OLFML1: variants seen among roughly 807,000 people sequenced by gnomAD.
OLFML1 encodes the protein olfactomedin-like protein 1.
In OLFML1, 33 loss-of-function variants were observed where a neutral mutation model predicts 37.3. The ratio of observed to expected loss-of-function variants is 0.88; its 90% CI spans 0.67 to 1.18. The LOEUF (loss-of-function observed/expected upper bound fraction) is 1.18, where lower values mean the gene tolerates loss of function less well. OLFML1 is among the 50% of genes most tolerant of loss of function. OLFML1 has a pLI of 0.00. For synonymous variants in OLFML1, 186 were observed against 181.3 expected (o/e 1.03, Z -0.21); for missense variants, 545 against 483.7 (o/e 1.13, Z -1.19).
At chr11:7,490,426 G>A (rs1848581316) in intron 2 of OLFML1, among the ~76,000 whole-genome samples, 1 of 152,176 alleles carries the variant, frequency 6.6e-6, no homozygotes, top group Non-Finnish European at 1.5e-5. Context: ...TGGGGGTTCA[G>A]GCAGGACGCT....
At chr11:7,489,556 C>CA (rs1848570674) in intron 2 of OLFML1, among the ~76,000 whole-genome samples, 1 of 151,716 alleles carries the variant, frequency 6.6e-6, no homozygotes, top group African/African-American at 2.4e-5. Flanking sequence ...AACCATTGAG[C>CA]AATTTTAAAC....
intron 2 of OLFML1, among the ~76,000 whole-genome samples, chr11:7,493,056 T>C (rs988438174): frequency 6.6e-6 from 1 of 152,208 alleles, no homozygotes; most frequent in Admixed American, 6.5e-5. Context: ...CTTTTTAACT[T>C]GTAAATAGTT....
At chr11:7,495,131 C>T (rs551654786) in intron 2 of OLFML1, among the ~76,000 whole-genome samples, 89 of 152,246 alleles carry the variant, frequency 5.8e-4, no homozygotes, top group Non-Finnish European at 1.1e-3. Flanking sequence ...GTGAATCTCT[C>T]TCAAGTGTAC....
chr11:7,510,180 C>T lies in OLFML1; in HGVS notation c.1201C>T (p.Leu401=). 1.2e-6 allele frequency: 2 copies of T among 1,604,606 alleles called. No homozygotes were observed. The highest frequency in any genetic ancestry group is 1.7e-6 in the Non-Finnish European group (2 of 1,178,908). Residue 401 remains leucine (L), a synonymous_variant, in exon 3 of 3, where the codon CTG becomes TTG. Transcript: ENST00000329293. The part of the protein sequence containing the change: ...YKLQTKRKLP[L]K ...ACTCCAGACAAAGAGAAAGCTGCCT[C>T]TGAAGTAATGCATTACAGCTGTGAG... is the stretch of plus-strand genomic sequence containing the variant.
intron 2 of OLFML1, among the ~76,000 whole-genome samples, chr11:7,489,875 A>C (rs1240483729): frequency 1.3e-5 from 2 of 151,808 alleles, no homozygotes; most frequent in African/African-American, 2.4e-5. Flanking sequence ...TTACTCTATA[A>C]TTTTTTTCAG....
At chr11:7,494,197 T>C (rs1315479622) in intron 2 of OLFML1, among the ~76,000 whole-genome samples, 1 of 152,222 alleles carries the variant, frequency 6.6e-6, no homozygotes, top group Non-Finnish European at 1.5e-5. Flanking sequence ...CTCAGTGTGT[T>C]TGTGGAGCAA....
In OLFML1 at chr11:7,496,646, A is replaced by T. The variant is rs1287365285; in HGVS notation, c.418+8231A>T. Among the ~76,000 whole-genome samples, 12 of 152,336 alleles carry T rather than the reference A, an allele frequency of 7.9e-5. No homozygotes were observed. The East Asian group carries it at 2.1e-3, about 27-fold the overall frequency. ...TTCTAACTATACACAGGCAAATGGC[A>T]GTACCACAGCTAGAAATTGAGAGCA... On this transcript the variant is annotated intron_variant, in intron 2 of 2. Coordinates refer to ENST00000329293, the MANE Select transcript of OLFML1 (RefSeq NM_198474.4).
At chr11:7,487,940 CTT>C (rs1170661942) in intron 1 of OLFML1, among the ~76,000 whole-genome samples, 185 bp from the exon 2 acceptor site, 6 of 151,600 alleles carry the variant, frequency 4.0e-5, no homozygotes, top group Non-Finnish European at 5.9e-5. Context: ...CTTGGGAAAA[CTT>C]TTAAAAACTG....
chr11:7,509,220 A>G (rs1848822226), intron 2 of OLFML1, among the ~76,000 whole-genome samples, 178 bp from the exon 3 acceptor site: 1 of 152,224 alleles, frequency 6.6e-6, no homozygotes, highest in South Asian at 2.1e-4. Context: ...TTTTCGCTCT[A>G]GGATTTTCCA....
chr11:7,507,152 C>T (rs1439703045), intron 2 of OLFML1, among the ~76,000 whole-genome samples: 1 of 152,190 alleles, frequency 6.6e-6, no homozygotes, highest in African/African-American at 2.4e-5. Flanking sequence ...AGAGTTTTTG[C>T]TGTAGGTGGG....
chr11:7,486,787 A>G (rs928934588), intron 1 of OLFML1, among the ~76,000 whole-genome samples: 2 of 152,230 alleles, frequency 1.3e-5, no homozygotes, highest in Non-Finnish European at 2.9e-5. Flanking sequence ...CTTATTGCTA[A>G]TAATTATTTT....
chr11:7,493,783 C>T lies in OLFML1; in HGVS notation c.418+5368C>T, dbSNP rs552151302. Among the ~76,000 whole-genome samples the T allele has an allele frequency of 7.0e-4, 107 of 152,356 alleles. 1 individual carries two copies. Among genetic ancestry groups the T allele is most frequent in the African/African-American group, 2.4e-3 (100 of 41,578 alleles). ...AGGGTTAACTGTGGCTCCAGGTGCC[C>T]TGAACATCCATTCATTCTTGCTATA... On this transcript the variant is annotated intron_variant, in intron 2 of 2. Coordinates refer to ENST00000329293, the MANE Select transcript of OLFML1 (RefSeq NM_198474.4).
rs769367146 is a variant in OLFML1, at chr11:7,510,070, G to T, written c.1091G>T (p.Arg364Ile). 6.2e-7 allele frequency: 1 copy of T among 1,614,110 alleles called. No individual in the cohort carries two copies. ...TTGCCCAACTTGTTCTTCCCCAAGA[G>T]ACCAAGAAGTCACTCCATGATCCAT... ...EDLPNLFFPKRPRSHSMIHYN... is the reference protein window; with the variant it reads ...EDLPNLFFPKIPRSHSMIHYN... The change falls in exon 3 of 3, where the codon AGA becomes ATA. Residue 364 changes from arginine to isoleucine, a missense_variant. Arg to Ile is a moderately conservative substitution (Grantham distance 97). Transcript: ENST00000329293.
intron 2 of OLFML1, among the ~76,000 whole-genome samples, chr11:7,496,950 T>C (rs1848669429): frequency 6.6e-6 from 1 of 152,086 alleles, no homozygotes; most frequent in Non-Finnish European, 1.5e-5. Flanking sequence ...AGCTACACTG[T>C]AGCTGGAAGG....
At chr11:7,501,639 C>T (rs921340970) in intron 2 of OLFML1, among the ~76,000 whole-genome samples, 12 of 152,198 alleles carry the variant, frequency 7.9e-5, no homozygotes, top group African/African-American at 1.4e-4. Context: ...TTGCTCCCAC[C>T]CCCACTTCTG....
chr11:7,500,750 G>A (rs760903831), intron 2 of OLFML1, among the ~76,000 whole-genome samples: 7 of 149,482 alleles, frequency 4.7e-5, no homozygotes, highest in Non-Finnish European at 1.0e-4. Flanking sequence ...AGAATTATAC[G>A]GGGCTGGGCA....
At chr11:7,492,261 C>T (rs1264084280) in intron 2 of OLFML1, among the ~76,000 whole-genome samples, 1 of 152,218 alleles carries the variant, frequency 6.6e-6, no homozygotes, top group Non-Finnish European at 1.5e-5. Context: ...CCTCTAGAGA[C>T]TGTGCCAGTT....
chr11:7,500,477 C>T (rs1433207785), intron 2 of OLFML1, among the ~76,000 whole-genome samples: 1 of 152,158 alleles, frequency 6.6e-6, no homozygotes, highest in Non-Finnish European at 1.5e-5. Context: ...CTGGAGGGGT[C>T]CTGACTGGCT....
In OLFML1 at chr11:7,486,000, T is replaced by C; in HGVS notation, c.125T>C (p.Leu42Ser). 1.2e-6 allele frequency: 2 copies of C among 1,613,860 alleles called. No homozygotes were observed. Among genetic ancestry groups the C allele is most frequent in the South Asian group, 1.1e-5 (1 of 91,050 alleles). Residue 42 changes from leucine (L) to serine (S), a missense_variant, in exon 1 of 3, where the codon TTG becomes TCG. Transcript: ENST00000329293. The stretch of plus-strand genomic sequence containing the variant: ...TACATCTACCAGCGCTTTCGAGTCT[T>C]GGAGGTAGGTGGCATCTGTACACCT... ...VHYIYQRFRVLEQGLEKCTQA... is the reference protein window; with the variant it reads ...VHYIYQRFRVSEQGLEKCTQA...
Sources: gnomAD v4.1 joint callset for allele counts (sites outside exome capture counted in the v4.1 genomes callset) on GRCh38, gnomAD v4.1.1 for gene constraint, MANE v1.5 for transcripts, NCBI Gene and HGNC (gene_info 2026-07-23, HGNC 2026-07-21) for gene names.